CASK: variants seen among roughly 807,000 people sequenced by gnomAD.
CASK encodes the protein calcium/calmodulin dependent serine protein kinase, also known as peripheral plasma membrane protein CASK.
A neutral mutation model predicts 82.9 loss-of-function variants in CASK; 4 were observed. That is an observed-to-expected ratio of 0.05 (90% CI 0.02 to 0.11). The LOEUF is 0.11. Among genes scored for constraint, CASK ranks in the 10% least tolerant of loss-of-function variants. CASK has a pLI of 1.00. For missense variants in CASK, 358 were observed against 720.9 expected, an observed-to-expected ratio of 0.50 and a Z score of 5.76; for synonymous variants, 259 against 253.5, an observed-to-expected ratio of 1.02 and a Z score of -0.20.
intron 5 of CASK, among the ~76,000 whole-genome samples, chrX:41,725,952 A>C (rs1423308101): frequency 9.0e-6 from 1 of 111,698 alleles, no homozygotes; most frequent in Non-Finnish European, 1.9e-5. Context: ...CCTAGGCTCA[A>C]CTGATCCTCA....
intron 1 of CASK, among the ~76,000 whole-genome samples, chrX:41,910,763 G>A (rs2072548213): frequency 8.9e-6 from 1 of 112,188 alleles, no homozygotes; most frequent in Non-Finnish European, 1.9e-5. Flanking sequence ...AGAGCAGCAA[G>A]TTTAGAATGC....
At chrX:41,547,865 C>T (rs901523188) in intron 21 of CASK, among the ~76,000 whole-genome samples, 7 of 111,794 alleles carry the variant, frequency 6.3e-5, no homozygotes, top group Admixed American at 4.7e-4. Context: ...CCTCATGATC[C>T]GCCTGCCTCG....
At chrX:41,689,272 T>A (rs144040174) in intron 5 of CASK, among the ~76,000 whole-genome samples, 19 of 111,873 alleles carry the variant, frequency 1.7e-4, no homozygotes, top group African/African-American at 6.2e-4. Context: ...AATGAGACTG[T>A]CTTTTTAGTT....
intron 8 of CASK, among the ~76,000 whole-genome samples, chrX:41,642,209 T>C (rs890762277): frequency 9.0e-6 from 1 of 111,665 alleles, no homozygotes; most frequent in African/African-American, 3.3e-5. Context: ...TAAACAGACG[T>C]GTGCATGTGT....
rs72190097 is a variant in CASK at position 41,869,812 on chromosome X, C to CAAA, written c.60-16588_60-16586dup. On this transcript the variant is annotated intron_variant, in intron 1 of 26. Coordinates refer to ENST00000378163, the MANE Select transcript of CASK (RefSeq NM_001367721.1). ...TGGGTGATGAAGTAAGACTCTGTCTCAAAAAAAAAAAAAAAAAAAAAAAAG... is the reference window on the plus strand; with the variant it reads ...TGGGTGATGAAGTAAGACTCTGTCTCAAAAAAAAAAAAAAAAAAAAAAAAAAAG... Among the ~76,000 whole-genome samples, 95 of 12,072 alleles carry CAAA rather than the reference C, an allele frequency of 7.9e-3. 8 individuals are homozygous for CAAA. Among genetic ancestry groups the CAAA allele is most frequent in the African/African-American group, 0.032 (75 of 2,341 alleles). 10.5% of individuals were successfully genotyped at this position (12,072 alleles called of 115,157 possible).
chrX:41,791,797 T>G (rs1350546037), intron 2 of CASK, among the ~76,000 whole-genome samples: 7 of 111,041 alleles, frequency 6.3e-5, no homozygotes, highest in Non-Finnish European at 1.3e-4. Flanking sequence ...ATTTTGTTCC[T>G]TTTTATGGCT....
intron 11 of CASK, among the ~76,000 whole-genome samples, chrX:41,612,821 C>A (rs1213801578): frequency 2.0e-5 from 2 of 98,318 alleles, no homozygotes; most frequent in Non-Finnish European, 4.2e-5. Context: ...TGCCTGGCCG[C>A]CCCTACTGGG....
chrX:41,555,729 AT>A, intron 19 of CASK, 94 bp from the exon 20 acceptor site: 1 of 635,705 alleles, frequency 1.6e-6, no homozygotes, highest in Admixed American at 2.4e-5. Flanking sequence ...GGTTAAAAAA[AT>A]GAGCTAGATT....
intron 21 of CASK, among the ~76,000 whole-genome samples, chrX:41,549,157 A>AAAATGTGAAG (rs1013385090): frequency 1.9e-4 from 21 of 112,073 alleles, no homozygotes; most frequent in African/African-American, 6.5e-4. Flanking sequence ...TCTCATCTAG[A>AAAATGTGAAG]AAATGTGAAG....
intron 3 of CASK, among the ~76,000 whole-genome samples, chrX:41,769,808 G>C (rs908340087): frequency 1.9e-4 from 21 of 110,567 alleles, no homozygotes; most frequent in Middle Eastern, 4.6e-3. Context: ...AAGTGGCTGT[G>C]GTGGTGTGTG....
intron 9 of CASK, among the ~76,000 whole-genome samples, chrX:41,630,865 G>C (rs1440600083): frequency 8.9e-6 from 1 of 111,777 alleles, no homozygotes; most frequent in Non-Finnish European, 1.9e-5. Context: ...TTTCAAGGTA[G>C]AGATGTTAAA....
At chrX:41,703,447 A>G (rs1197928943) in intron 5 of CASK, among the ~76,000 whole-genome samples, 1 of 112,580 alleles carries the variant, frequency 8.9e-6, no homozygotes, top group East Asian at 2.8e-4. Context: ...TTAAAAATTT[A>G]CACAAATGGT....
chrX:41,662,852 T>G (rs1356737746), intron 7 of CASK, among the ~76,000 whole-genome samples: 1 of 108,271 alleles, frequency 9.2e-6, no homozygotes, highest in African/African-American at 3.4e-5. Flanking sequence ...TTTTTTTTTT[T>G]GGGAAGACAG....
intron 5 of CASK, among the ~76,000 whole-genome samples, chrX:41,717,718 T>G (rs188748290): frequency 3.8e-4 from 42 of 112,000 alleles, no homozygotes; most frequent in Admixed American, 7.6e-4. Flanking sequence ...TACAATATGA[T>G]GGGCTGGACT....
At chrX:41,689,403 A>G (rs974043213) in intron 5 of CASK, among the ~76,000 whole-genome samples, 5 of 112,236 alleles carry the variant, frequency 4.5e-5, no homozygotes, top group African/African-American at 1.6e-4. Context: ...ATGAATTAAA[A>G]GTTATTTTCA....
At chrX:41,786,658 T>C (rs1306875111) in intron 3 of CASK, among the ~76,000 whole-genome samples, 1 of 111,661 alleles carries the variant, frequency 9.0e-6, no homozygotes, top group African/African-American at 3.3e-5. Flanking sequence ...AGTTGTACTA[T>C]CCTTAGCTCA....
chrX:41,833,714 T>C (rs2070872230), intron 2 of CASK, among the ~76,000 whole-genome samples: 1 of 112,127 alleles, frequency 8.9e-6, no homozygotes, highest in African/African-American at 3.2e-5. Context: ...CAATCTCTTT[T>C]TGAGTTATAC....
At chrX:41,791,861 C>T (rs1569450376) in intron 2 of CASK, among the ~76,000 whole-genome samples, 1 of 111,268 alleles carries the variant, frequency 9.0e-6, no homozygotes, top group Non-Finnish European at 1.9e-5. Flanking sequence ...ATATTTTAAA[C>T]TAATCTATTT....
intron 6 of CASK, 109 bp downstream of exon 6, chrX:41,671,319 G>A: frequency 1.9e-6 from 1 of 532,047 alleles, no homozygotes. Context: ...GGGGTGGGGT[G>A]GAATGAGGTA....
Sources: gnomAD v4.1 joint callset for allele counts (sites outside exome capture counted in the v4.1 genomes callset) on GRCh38, gnomAD v4.1.1 for gene constraint, MANE v1.5 for transcripts, NCBI Gene and HGNC (gene_info 2026-07-23, HGNC 2026-07-21) for gene names.